TOP3A: variants seen among roughly 807,000 people sequenced by gnomAD.
TOP3A encodes DNA topoisomerase 3-alpha.
A neutral mutation model predicts 111.3 loss-of-function variants in TOP3A; 64 were observed. The observed-to-expected ratio is 0.57, with a 90% CI of 0.47 to 0.71. TOP3A has a LOEUF of 0.71. Ranked by LOEUF, TOP3A falls within the 30% of genes least tolerant of loss-of-function variation. The pLI is 0.00. For missense variants in TOP3A, 1,104 were observed against 1,285.0 expected (o/e 0.86, Z 2.15); for synonymous variants, 484 against 485.1 (o/e 1.00, Z 0.03).
chr17:18,278,115 G>A lies in TOP3A; in HGVS notation c.2387C>T (p.Ala796Val), dbSNP rs1208315542. The stretch of plus-strand genomic sequence containing the variant: ...AGCCGTGGGTGGTGGGAGGGTCTGG[G>A]CCAGAGCCTTTGAGGACCCAGTCTG... Reference protein sequence around the residue: ...SRQTGSSKALAQTLPPPTAAG... With the variant: ...SRQTGSSKALVQTLPPPTAAG... Residue 796 changes from alanine to valine, a missense_variant, in exon 18 of 19, where the codon GCC becomes GTC. Transcript: ENST00000321105. 2.5e-6 allele frequency: 4 copies of A among 1,614,210 alleles called. No homozygotes were observed. The highest frequency in any genetic ancestry group is 3.4e-6 in the Non-Finnish European group (4 of 1,180,038).
In TOP3A at chr17:18,290,850, T is replaced by C; in HGVS notation, c.1459A>G (p.Ser487Gly). 1 of 1,614,092 alleles carries C rather than the reference T, an allele frequency of 6.2e-7. No individual in the cohort carries two copies. Among genetic ancestry groups the C allele is most frequent in the Non-Finnish European group, 8.5e-7 (1 of 1,179,990 alleles). ...YLDVYPYDHW[S>G]DKILPVYEQG... is the part of the protein sequence containing the mutation. ...GGACCACTCTTTATTACCTTGTCAC[T>C]CCAGTGATCATATGGATACACATCC... The change falls in exon 12 of 19, where the codon AGT (serine) becomes GGT (glycine). Residue 487 changes from serine (S) to glycine (G), a missense_variant. Transcript: ENST00000321105.
At chr17:18,286,373 G>A (rs949987871) in intron 13 of TOP3A, among the ~76,000 whole-genome samples, 15 of 151,456 alleles carry the variant, frequency 9.9e-5, no homozygotes, top group Admixed American at 3.9e-4. Context: ...AAAATTAGCC[G>A]GGTGTGGTGG....
At chr17:18,306,815 G>A in intron 4 of TOP3A, 76 bp downstream of exon 4, 1 of 966,182 alleles carries the variant, frequency 1.0e-6, no homozygotes, top group Non-Finnish European at 1.6e-6. Context: ...AAATGCCAAT[G>A]CATTAAAAAC....
Position 18,290,994 on chromosome 17 carries a change from G to T in TOP3A, c.1315C>A (p.Arg439Ser), listed in dbSNP as rs1238198584. The T allele has an allele frequency of 6.2e-7, 1 of 1,614,058 alleles. No individual in the cohort carries two copies. Among genetic ancestry groups the T allele is most frequent in the Non-Finnish European group, 8.5e-7 (1 of 1,180,048 alleles). The change falls in exon 12 of 19, where the codon CGC becomes AGC. Residue 439 changes from arginine to serine, a missense_variant. Coordinates refer to ENST00000321105, the MANE Select transcript of TOP3A (RefSeq NM_004618.5). ...DEQRLYEFIV[R>S]HFLACCSQDA... ...TGGGAGCAGCAAGCCAGGAAATGGCGAACAATAAACTCGTACAGTCGCTGT... is the reference window on the plus strand; with the variant it reads ...TGGGAGCAGCAAGCCAGGAAATGGCTAACAATAAACTCGTACAGTCGCTGT...
intron 7 of TOP3A, 33 bp from the exon 8 acceptor site, chr17:18,302,018 G>T (rs1465629206): frequency 6.3e-7 from 1 of 1,587,406 alleles, no homozygotes; most frequent in Admixed American, 1.7e-5. Context: ...GAAAGGCTGT[G>T]TCTCAGAGAC....
intron 15 of TOP3A, among the ~76,000 whole-genome samples, chr17:18,284,472 A>T (rs1979968208): frequency 6.6e-6 from 1 of 152,222 alleles, no homozygotes; most frequent in Non-Finnish European, 1.5e-5. Context: ...CCTGACAACC[A>T]GACCGATCCC....
chr17:18,284,174 A>ATTTT (rs34810719), intron 15 of TOP3A, among the ~76,000 whole-genome samples: 1 of 126,850 alleles, frequency 7.9e-6, no homozygotes, highest in Non-Finnish European at 1.7e-5. Flanking sequence ...TAATTTTTGT[A>ATTTT]TTTTTTTTTT....
chr17:18,294,603 CA>C, intron 10 of TOP3A, 99 bp downstream of exon 10: 3 of 844,310 alleles, frequency 3.6e-6, no homozygotes, highest in South Asian at 1.5e-5. Context: ...GATGGGATTA[CA>C]GGTGTGAGCC....
At chr17:18,292,258 G>A (rs139500587) in intron 11 of TOP3A, among the ~76,000 whole-genome samples, 158 of 152,288 alleles carry the variant, frequency 1.0e-3, no homozygotes, top group African/African-American at 3.6e-3. Flanking sequence ...GGGGTGGCAC[G>A]ACTGGGGTGG....
At chr17:18,308,209 A>G (rs1457066475) in intron 3 of TOP3A, 142 bp downstream of exon 3, 1 of 501,682 alleles carries the variant, frequency 2.0e-6, no homozygotes, top group Non-Finnish European at 3.4e-6. Flanking sequence ...CTCACTCTGA[A>G]ACTTTGTCTC....
chr17:18,308,361 A>T lies in TOP3A; in HGVS notation c.304T>A (p.Phe102Ile). 1 of 1,602,070 alleles carries T rather than the reference A, an allele frequency of 6.2e-7. No homozygotes were observed. Among genetic ancestry groups the T allele is most frequent in the East Asian group, 2.2e-5 (1 of 44,562 alleles). The change falls in exon 3 of 19, where the codon TTT (phenylalanine) becomes ATT (isoleucine). Residue 102 changes from phenylalanine (F) to isoleucine (I), a missense_variant. Phe to Ile is a conservative substitution (Grantham distance 21, BLOSUM62 0). Transcript: ENST00000321105. Reference sequence around the variant, plus strand: ...GAGAATTGTACTGACCATTTTCGAAACTGCATCTGGAAATCATGAGCCAGT... The same window carrying T: ...GAGAATTGTACTGACCATTTTCGAATCTGCATCTGGAAATCATGAGCCAGT... ...HLLAHDFQMQ[F>I]RKWQSCNPLV...
chr17:18,309,962 G>A (rs992251086), intron 1 of TOP3A, among the ~76,000 whole-genome samples: 9 of 150,696 alleles, frequency 6.0e-5, no homozygotes, highest in African/African-American at 1.5e-4. Flanking sequence ...CACCTGCCTC[G>A]GCCTCCCAAA....
intron 9 of TOP3A, among the ~76,000 whole-genome samples, chr17:18,295,914 C>A (rs1443365671): frequency 6.6e-6 from 1 of 151,816 alleles, no homozygotes; most frequent in Non-Finnish European, 1.5e-5. Flanking sequence ...ACTACAGGCA[C>A]CTGCCACCAC....
At chr17:18,277,113 G>A (rs1979420961) in intron 18 of TOP3A, among the ~76,000 whole-genome samples, 1 of 150,686 alleles carries the variant, frequency 6.6e-6, no homozygotes, top group African/African-American at 2.4e-5. Context: ...GAACCTGGGA[G>A]GTGGAAGTTG....
In TOP3A at chr17:18,290,919, G is replaced by C. The variant is rs778878590; in HGVS notation, c.1390C>G (p.Arg464Gly). The stretch of plus-strand genomic sequence containing the variant: ...ATCATGAGGCCATGGGCCACAAAGC[G>C]TTCCTGAGCGATGTCGATCTCCACT... ...TTVEIDIAQE[R>G]FVAHGLMILA... The change falls in exon 12 of 19, where the codon CGC becomes GGC. Residue 464 changes from arginine (R) to glycine (G), a missense_variant. By Grantham distance (125) the Arg-to-Gly change is moderately radical. Coordinates refer to ENST00000321105, the MANE Select transcript of TOP3A (RefSeq NM_004618.5). The C allele has an allele frequency of 6.2e-7, 1 of 1,614,166 alleles. No homozygotes were observed. Among genetic ancestry groups the C allele is most frequent in the Non-Finnish European group, 8.5e-7 (1 of 1,180,040 alleles).
chr17:18,279,667 GC>G, intron 17 of TOP3A, among the ~76,000 whole-genome samples: 1 of 152,150 alleles, frequency 6.6e-6, no homozygotes, highest in African/African-American at 2.4e-5. Context: ...GGGATTACAG[GC>G]CTGAGCCACC....
intron 1 of TOP3A, among the ~76,000 whole-genome samples, chr17:18,310,626 A>T (rs1981853795): frequency 6.6e-6 from 1 of 152,130 alleles, no homozygotes; most frequent in South Asian, 2.1e-4. Flanking sequence ...AGGAGAGGGT[A>T]AGGGGAGTGA....
At chr17:18,291,880 AT>A (rs1435899675) in intron 11 of TOP3A, among the ~76,000 whole-genome samples, 6 of 151,918 alleles carry the variant, frequency 3.9e-5, no homozygotes, top group Non-Finnish European at 8.8e-5. Context: ...CGTCCAACTA[AT>A]TTTTCTATTT....
intron 1 of TOP3A, among the ~76,000 whole-genome samples, chr17:18,309,659 CAAAA>C (rs922197040): frequency 6.8e-6 from 1 of 147,918 alleles, no homozygotes; most frequent in East Asian, 2.0e-4. Context: ...AAAAAACAAA[CAAAA>C]AAACACATTC....
Sources: allele counts gnomAD v4.1 joint callset (sites outside exome capture counted in the v4.1 genomes callset), GRCh38; gene constraint gnomAD v4.1.1; transcripts MANE v1.5; gene names NCBI Gene and HGNC (gene_info 2026-07-23, HGNC 2026-07-21).